The following PLIN1 variants were observed in gnomAD, a reference collection of about 807,000 sequenced individuals.
The protein encoded by PLIN1 is perilipin 1.
PLIN1 carries 37 observed loss-of-function variants against 45.8 expected under a neutral mutation model. The observed-to-expected ratio is 0.81, with a 90% CI of 0.62 to 1.06. PLIN1 has a LOEUF of 1.06. PLIN1 is among the 50% of genes least tolerant of loss of function. PLIN1 has a pLI of 0.00. For missense variants in PLIN1, 776 were observed against 716.5 expected, an observed-to-expected ratio of 1.08 and a Z score of -0.95; for synonymous variants, 340 against 309.2, an observed-to-expected ratio of 1.10 and a Z score of -1.05.
chr15:89,671,138 T>A (rs1292247612), intron 4 of PLIN1, among the ~76,000 whole-genome samples: 2 of 152,176 alleles, frequency 1.3e-5, no homozygotes, highest in Non-Finnish European at 2.9e-5. Flanking sequence ...GTGTGACTCA[T>A]GATCTTAGGC....
Position 89,665,876 on chromosome 15 carries a change from C to G in PLIN1, c.1276G>C (p.Val426Leu). 1 of 1,517,064 alleles carries G rather than the reference C, an allele frequency of 6.6e-7. No homozygotes were observed. The highest frequency in any genetic ancestry group is 1.2e-5 in the South Asian group (1 of 81,366). 94.0% of individuals were successfully genotyped at this position (1,517,064 alleles called of 1,614,324 possible). The change falls in exon 9 of 9, where the codon GTC (valine) becomes CTC (leucine). Residue 426 changes from valine to leucine, a missense_variant. Coordinates refer to ENST00000300055, the MANE Select transcript of PLIN1 (RefSeq NM_002666.5). ...CTGCGCTCCGCCTCCCGGCGCTCGA[C>G]CTCGGCTGGTGGGTTGTCGATGTCC... ...FRDIDNPPAE[V>L]ERREAERRAS...
Position 89,667,026 on chromosome 15 carries a change from G to A in PLIN1, c.1119C>T (p.Val373=), listed in dbSNP as rs2304796. The change falls in exon 8 of 9, where the codon GTC becomes GTT. Residue 373 remains valine (V), a synonymous_variant. Coordinates refer to ENST00000300055, the MANE Select transcript of PLIN1 (RefSeq NM_002666.5). ...RVLHLTPAPA[V]SSTKGRAMSL... is the part of the protein sequence containing the mutation. ...ACATGGCCCTCCCCTTGGTTGAGGA[G>A]ACAGCAGGGGCTGGTGTGAGGTGCA... is the stretch of plus-strand genomic sequence containing the variant. 483,990 of 1,613,584 alleles carry A rather than the reference G, an allele frequency of 0.3. 74,786 individuals are homozygous for A. Among genetic ancestry groups the A allele is most frequent in the South Asian group, 0.4 (36,748 of 91,062 alleles).
chr15:89,670,202 T>C lies in PLIN1; in HGVS notation c.376A>G (p.Ser126Gly). The C allele has an allele frequency of 1.9e-6, 3 of 1,613,812 alleles. No individual in the cohort carries two copies. The South Asian group carries it at 3.3e-5, about 18-fold the overall frequency. ...LKDTISTRLR[S>G]ARNSISVPIA... is the part of the protein sequence containing the mutation. The stretch of plus-strand genomic sequence containing the variant: ...GGAACGCTGATGCTGTTTCTGGCAC[T>C]GCGGAGGCGGGTGGAGATGGTGTCC... The change falls in exon 5 of 9, where the codon AGT (serine) becomes GGT (glycine). Residue 126 changes from serine (S) to glycine (G), a missense_variant. Ser to Gly is a moderately conservative substitution (Grantham distance 56). Transcript: ENST00000300055.
chr15:89,666,595 A>C (rs1001233687), intron 8 of PLIN1, among the ~76,000 whole-genome samples: 12 of 152,118 alleles, frequency 7.9e-5, no homozygotes, highest in Non-Finnish European at 1.3e-4. Context: ...ACCCCTTCCC[A>C]GGCAGCAGCA....
In PLIN1 at chr15:89,677,449, A is replaced by C; in HGVS notation, c.41T>G (p.Leu14Arg). The change falls in exon 2 of 9, where the codon CTC (leucine) becomes CGC (arginine). Residue 14 changes from leucine (L) to arginine (R), a missense_variant. Physicochemically the swap from Leu to Arg is moderately radical, Grantham distance 102. Transcript: ENST00000300055. ...AGATGAGCCCAAGTTACTTACAGGG[A>C]GGTCTCCATCCAGCAAGGTGAGGCC... is the stretch of plus-strand genomic sequence containing the variant. Reference protein sequence around the residue: ...NKGLTLLDGDLPEQENVLQRV... With the variant: ...NKGLTLLDGDRPEQENVLQRV... The C allele has an allele frequency of 6.2e-7, 1 of 1,613,472 alleles. No individual in the cohort carries two copies. The highest frequency in any genetic ancestry group is 2.2e-5 in the East Asian group (1 of 44,868).
chr15:89,677,147 G>A (rs139509643), intron 2 of PLIN1: 223 of 473,642 alleles, frequency 4.7e-4, no homozygotes, highest in African/African-American at 3.7e-3. Context: ...GGGCTTCTGC[G>A]TCAGGGTTTA....
chr15:89,678,256 T>G (rs1459196305), intron 1 of PLIN1, among the ~76,000 whole-genome samples: 2 of 151,406 alleles, frequency 1.3e-5, no homozygotes, highest in African/African-American at 4.8e-5. Flanking sequence ...AGGCCTGTAA[T>G]CCCGGCACTT....
intron 8 of PLIN1, 99 bp from the exon 9 acceptor site, chr15:89,666,041 A>C: frequency 1.1e-6 from 1 of 950,538 alleles, no homozygotes; most frequent in Non-Finnish European, 1.4e-6. Flanking sequence ...TTCCCCCGGG[A>C]GCGGCCGTCA....
At chr15:89,668,512 A>C (rs1187988166) in intron 6 of PLIN1, among the ~76,000 whole-genome samples, 1 of 152,218 alleles carries the variant, frequency 6.6e-6, no homozygotes, top group Non-Finnish European at 1.5e-5. Context: ...TAAGAGTGAA[A>C]AATTCAATGA....
chr15:89,665,002 T>C lies in PLIN1; in HGVS notation c.*581A>G, dbSNP rs1596037476. 1 of 448,034 alleles carries C rather than the reference T, an allele frequency of 2.2e-6. No individual in the cohort carries two copies. The highest frequency in any genetic ancestry group is 2.5e-5 in the Admixed American group (1 of 40,768). 27.8% of individuals were successfully genotyped at this position (448,034 alleles called of 1,614,324 possible). ...TGTGAAGCGGCGGGTACTCAGAAAG[T>C]GACACTAGTATTTTAAATAAACACC... On this transcript the variant is annotated 3_prime_UTR_variant, in exon 9 of 9. Coordinates refer to ENST00000300055, the MANE Select transcript of PLIN1 (RefSeq NM_002666.5).
intron 2 of PLIN1, 103 bp from the exon 3 acceptor site, chr15:89,673,517 C>G (rs1964472848): frequency 1.1e-6 from 1 of 910,174 alleles, no homozygotes; most frequent in African/African-American, 1.6e-5. Context: ...TAGCCTGAGT[C>G]CAAGCGACCT....
chr15:89,665,746 C>A lies in PLIN1; in HGVS notation c.1406G>T (p.Gly469Val). ...AQSPGAPPGP[G>V]LEDEVATPAA... is the part of the protein sequence containing the mutation. Reference sequence around the variant, plus strand: ...GGGCGTGGCGACTTCGTCCTCCAGGCCCGGGCCGGGGGGCGCGCCGGGGCT... The same window carrying A: ...GGGCGTGGCGACTTCGTCCTCCAGGACCGGGCCGGGGGGCGCGCCGGGGCT... Residue 469 changes from glycine to valine, a missense_variant, in exon 9 of 9, where the codon GGC (glycine) becomes GTC (valine). Physicochemically the swap from Gly to Val is moderately radical, Grantham distance 109 (BLOSUM62 -3). Transcript: ENST00000300055. 2.2e-6 allele frequency: 3 copies of A among 1,365,294 alleles called. No individual in the cohort carries two copies. The highest frequency in any genetic ancestry group is 3.0e-5 in the African/African-American group (2 of 65,608). The allele number at this position is 1,365,294 out of a possible 1,614,324, so 84.6% of individuals were successfully genotyped here.
At chr15:89,675,055 G>A (rs1964495389) in intron 2 of PLIN1, among the ~76,000 whole-genome samples, 2 of 151,904 alleles carry the variant, frequency 1.3e-5, no homozygotes, top group African/African-American at 4.8e-5. Context: ...GTTGGAGGCT[G>A]TAGTGAGCCA....
Position 89,666,921 on chromosome 15 carries a change from A to T in PLIN1, c.1209+15T>A, listed in dbSNP as rs1051100757. On this transcript the variant is annotated intron_variant, in intron 8 of 8. Coordinates refer to ENST00000300055, the MANE Select transcript of PLIN1 (RefSeq NM_002666.5). ...CCCCTTGGGACACTAACAGTTTGCC[A>T]GGGGTGGTACTCACCGGCACGTAAT... 7 of 1,613,594 alleles carry T rather than the reference A, an allele frequency of 4.3e-6. No homozygotes were observed. The highest frequency in any genetic ancestry group is 5.9e-6 in the Non-Finnish European group (7 of 1,179,840).
At chr15:89,670,288 C>T (rs748126100) in intron 4 of PLIN1, 44 bp from the exon 5 acceptor site, 2 of 1,587,534 alleles carry the variant, frequency 1.3e-6, no homozygotes, top group Non-Finnish European at 1.7e-6. Context: ...GTCTTGCAGG[C>T]CCTACAAGGG....
At chr15:89,672,183 G>A (rs1964450740) in intron 3 of PLIN1, among the ~76,000 whole-genome samples, 1 of 152,172 alleles carries the variant, frequency 6.6e-6, no homozygotes, top group Admixed American at 6.5e-5. Context: ...TCAACTGTCC[G>A]AAGAGGGTCA....
At position 89,665,538 on chromosome 15, in the gene PLIN1, T is replaced by C; in HGVS notation, c.*45A>G. 6.6e-7 allele frequency: 1 copy of C among 1,517,408 alleles called. No individual in the cohort carries two copies. The allele number at this position is 1,517,408 out of a possible 1,614,324, so 94.0% of individuals were successfully genotyped here. ...GGGCAGTGCGGGTTCTGTTTATTTG[T>C]TAGAGAAACCCGCCGGCCCGGGGCG... On this transcript the variant is annotated 3_prime_UTR_variant, in exon 9 of 9. Transcript: ENST00000300055.
At chr15:89,671,650 G>GC in intron 3 of PLIN1, 86 bp from the exon 4 acceptor site, 1 of 1,026,210 alleles carries the variant, frequency 9.7e-7, no homozygotes, top group Non-Finnish European at 1.5e-6. Flanking sequence ...AAGTGACTTG[G>GC]AGCCCTCAAA....
chr15:89,679,162 T>C (rs1964562350), intron 1 of PLIN1, 89 bp downstream of exon 1: 1 of 152,168 alleles, frequency 6.6e-6, no homozygotes, highest in South Asian at 2.1e-4. Flanking sequence ...CCTCTATTTC[T>C]AGATTCTGGT....
Sources: allele counts gnomAD v4.1 joint callset (sites outside exome capture counted in the v4.1 genomes callset), GRCh38; gene constraint gnomAD v4.1.1; transcripts MANE v1.5; gene names NCBI Gene and HGNC (gene_info 2026-07-23, HGNC 2026-07-21).